Variants in POPDC1 observed in about 807,000 individuals in gnomAD.
POPDC1 encodes the protein popeye domain-containing protein 1.
At chr6:105,126,764 C>T in the POPDC1 span, among the ~76,000 whole-genome samples, 1 of 152,132 alleles carries the variant, frequency 6.6e-6, no homozygotes, top group African/African-American at 2.4e-5. Flanking sequence ...TTACTTAATG[C>T]ACCAATATAG....
chr6:105,097,946 A>G, the POPDC1 span: 7 of 152,226 alleles, frequency 4.6e-5, no homozygotes, highest in African/African-American at 1.7e-4. Context: ...TTTAGTAAAT[A>G]TAAATATTTA....
At chr6:105,130,070 AG>A in the POPDC1 span, among the ~76,000 whole-genome samples, 4 of 152,304 alleles carry the variant, frequency 2.6e-5, no homozygotes, top group Admixed American at 6.5e-5. Context: ...GGAAATACAA[AG>A]TTTAAAAATA....
At chr6:105,106,167 T>C in the POPDC1 span, among the ~76,000 whole-genome samples, 1 of 152,208 alleles carries the variant, frequency 6.6e-6, no homozygotes, top group African/African-American at 2.4e-5. Flanking sequence ...AACAGTATCA[T>C]ACTGAACTGA....
chr6:105,112,892 A>G, the POPDC1 span, among the ~76,000 whole-genome samples: 1,496 of 152,154 alleles, frequency 9.8e-3, 29 homozygotes, highest in African/African-American at 0.034. Context: ...ATTTAAAAAA[A>G]CACAGAGGTA....
At chr6:105,123,022 A>G in the POPDC1 span, among the ~76,000 whole-genome samples, 2 of 152,246 alleles carry the variant, frequency 1.3e-5, no homozygotes, top group Admixed American at 1.3e-4. Flanking sequence ...AATGATAAAA[A>G]CTAAACTGTA....
chr6:105,115,956 G>GTATTCTTTTT, the POPDC1 span: 1 of 773,804 alleles, frequency 1.3e-6, no homozygotes, highest in Non-Finnish European at 1.9e-6. Context: ...TACATATTAG[G>GTATTCTTTTT]TGGCCAATAA....
the POPDC1 span, among the ~76,000 whole-genome samples, chr6:105,124,247 T>C: frequency 6.6e-6 from 1 of 151,836 alleles, no homozygotes; most frequent in African/African-American, 2.4e-5. Context: ...CCGGGGGTGG[T>C]GGCAGGCACC....
chr6:105,102,186 G>T, the POPDC1 span, among the ~76,000 whole-genome samples: 1 of 152,202 alleles, frequency 6.6e-6, no homozygotes, highest in Non-Finnish European at 1.5e-5. Flanking sequence ...CTGGGGAGAA[G>T]GTTGATGGTG....
the POPDC1 span, chr6:105,098,397 T>A: frequency 6.6e-6 from 1 of 152,212 alleles, no homozygotes; most frequent in Non-Finnish European, 1.5e-5. Flanking sequence ...AGATTCCTAA[T>A]CTTGAGGTTA....
At chr6:105,113,281 C>G in the POPDC1 span, among the ~76,000 whole-genome samples, 2 of 152,072 alleles carry the variant, frequency 1.3e-5, no homozygotes, top group Admixed American at 6.5e-5. Context: ...TATCACAGAA[C>G]CAGCCCCCAT....
chr6:105,115,172 C>G, the POPDC1 span, among the ~76,000 whole-genome samples: 1 of 152,250 alleles, frequency 6.6e-6, no homozygotes, highest in Non-Finnish European at 1.5e-5. Context: ...CTGCAAGCTC[C>G]GCCTCCCAGG....
At chr6:105,101,218 G>A in the POPDC1 span, 1 of 1,605,454 alleles carries the variant, frequency 6.2e-7, no homozygotes, top group Non-Finnish European at 8.5e-7. Context: ...ACACATCTGT[G>A]GAAAGATACA....
At chr6:105,134,760 ATCAAG>A in the POPDC1 span, among the ~76,000 whole-genome samples, 3 of 152,204 alleles carry the variant, frequency 2.0e-5, no homozygotes, top group Non-Finnish European at 4.4e-5. Flanking sequence ...GAATGAAATG[ATCAAG>A]TCAACTGAAG....
At chr6:105,125,603 C>G in the POPDC1 span, 8 of 1,607,518 alleles carry the variant, frequency 5.0e-6, no homozygotes, top group Non-Finnish European at 6.8e-6. Flanking sequence ...TGACTAGATG[C>G]TTCACCAATG....
chr6:105,097,664 C>G, the POPDC1 span: 1 of 152,218 alleles, frequency 6.6e-6, no homozygotes, highest in African/African-American at 2.4e-5. Context: ...GTGATGGGAG[C>G]TGACATGGAG....
the POPDC1 span, chr6:105,133,710 T>C: frequency 1.8e-5 from 12 of 652,758 alleles, no homozygotes; most frequent in Non-Finnish European, 3.1e-5. Flanking sequence ...GCTTATGAAT[T>C]AGACAGACCC....
the POPDC1 span, among the ~76,000 whole-genome samples, chr6:105,113,290 A>G: frequency 1.3e-3 from 202 of 152,254 alleles, 1 homozygote; most frequent in African/African-American, 4.5e-3. Flanking sequence ...ACCAGCCCCC[A>G]TGGAAGAGGG....
the POPDC1 span, among the ~76,000 whole-genome samples, chr6:105,110,877 G>A: frequency 2.0e-5 from 3 of 152,162 alleles, no homozygotes; most frequent in South Asian, 4.2e-4. Context: ...GTAGAGAGGG[G>A]GTCTCGCTAT....
At chr6:105,104,033 G>A in the POPDC1 span, among the ~76,000 whole-genome samples, 21 of 152,042 alleles carry the variant, frequency 1.4e-4, no homozygotes, top group African/African-American at 5.1e-4. Context: ...CAATCCTTAG[G>A]GTGACATCCA....
Sources: allele counts gnomAD v4.1 joint callset (sites outside exome capture counted in the v4.1 genomes callset), GRCh38; gene constraint gnomAD v4.1.1; transcripts MANE v1.5; gene names NCBI Gene and HGNC (gene_info 2026-07-23, HGNC 2026-07-21).